NCKAP5: variants seen among roughly 807,000 people sequenced by gnomAD.
NCKAP5 encodes the protein NCK associated protein 5.
In NCKAP5, 92 loss-of-function variants were observed where a neutral mutation model predicts 167.0. The ratio of observed to expected loss-of-function variants is 0.55; its 90% CI spans 0.47 to 0.66. NCKAP5 has a LOEUF of 0.66. NCKAP5 is among the 30% of genes least tolerant of loss of function. NCKAP5 has a pLI of 0.00. For synonymous variants in NCKAP5, 891 were observed against 877.4 expected, an observed-to-expected ratio of 1.02 and a Z score of -0.27; for missense variants, 2,378 against 2,315.0, an observed-to-expected ratio of 1.03 and a Z score of -0.56.
At chr2:132,814,294 G>A (rs1352198644) in intron 11 of NCKAP5, among the ~76,000 whole-genome samples, 3 of 152,154 alleles carry the variant, frequency 2.0e-5, no homozygotes, top group African/African-American at 7.2e-5. Context: ...CCCATGGTAA[G>A]AAATGCCTCA....
At chr2:133,089,751 T>C (rs976179626) in intron 6 of NCKAP5, among the ~76,000 whole-genome samples, 10 of 152,206 alleles carry the variant, frequency 6.6e-5, no homozygotes, top group African/African-American at 2.2e-4. Flanking sequence ...GGAATCTTTA[T>C]TGCATGCTAA....
chr2:132,963,319 G>T (rs1260720888), intron 8 of NCKAP5, among the ~76,000 whole-genome samples: 1 of 151,840 alleles, frequency 6.6e-6, no homozygotes, highest in Non-Finnish European at 1.5e-5. Context: ...TAAAATCTCT[G>T]TGTGTGTGTG....
At chr2:133,648,635 A>G in the NCKAP5 span, among the ~76,000 whole-genome samples, 1 of 152,140 alleles carries the variant, frequency 6.6e-6, no homozygotes, top group Non-Finnish European at 1.5e-5. Context: ...GAAATTAAAC[A>G]ACACACTCTT....
intron 3 of NCKAP5, among the ~76,000 whole-genome samples, chr2:133,455,766 T>C (rs1691816787): frequency 2.0e-5 from 3 of 152,178 alleles, no homozygotes; most frequent in Admixed American, 6.6e-5. Context: ...TATTTTTTTA[T>C]ACAAGAAAAC....
the NCKAP5 span, among the ~76,000 whole-genome samples, chr2:133,591,048 G>C: frequency 6.6e-6 from 1 of 152,078 alleles, no homozygotes; most frequent in Non-Finnish European, 1.5e-5. Flanking sequence ...GTGAGTGTTG[G>C]GTGCATGTAT....
chr2:133,394,310 G>C (rs1687604695), intron 3 of NCKAP5, among the ~76,000 whole-genome samples: 1 of 152,172 alleles, frequency 6.6e-6, no homozygotes, highest in Non-Finnish European at 1.5e-5. Context: ...AATGAGATTG[G>C]GAGTATGGTA....
intron 3 of NCKAP5, among the ~76,000 whole-genome samples, chr2:133,328,076 T>A (rs546290099): frequency 6.6e-6 from 1 of 152,190 alleles, no homozygotes; most frequent in East Asian, 1.9e-4. Context: ...TCTACCAACG[T>A]TGGGCCCCAA....
chr2:133,622,149 C>T, the NCKAP5 span, among the ~76,000 whole-genome samples: 1 of 152,084 alleles, frequency 6.6e-6, no homozygotes, highest in African/African-American at 2.4e-5. Context: ...GTAATAGAAG[C>T]CATCTATGAT....
At chr2:133,082,722 G>A (rs528662160) in intron 6 of NCKAP5, among the ~76,000 whole-genome samples, 1 of 152,130 alleles carries the variant, frequency 6.6e-6, no homozygotes, top group Non-Finnish European at 1.5e-5. Flanking sequence ...CCTGGTGCCA[G>A]GTTTTGGAAG....
chr2:133,522,738 C>T (rs1438907622), intron 2 of NCKAP5, among the ~76,000 whole-genome samples: 1 of 152,158 alleles, frequency 6.6e-6, no homozygotes, highest in African/African-American at 2.4e-5. Flanking sequence ...CAAGCATATT[C>T]GGATACACCC....
intron 2 of NCKAP5, among the ~76,000 whole-genome samples, chr2:133,526,848 T>TATAA (rs1413239320): frequency 2.6e-5 from 4 of 152,178 alleles, no homozygotes; most frequent in African/African-American, 9.7e-5. Context: ...AAATACATTT[T>TATAA]ATAAATAAAT....
At chr2:133,052,328 T>G (rs2079633749) in intron 6 of NCKAP5, among the ~76,000 whole-genome samples, 1 of 152,118 alleles carries the variant, frequency 6.6e-6, no homozygotes, top group Admixed American at 6.5e-5. Context: ...CCAAAGCTGA[T>G]AGTGGGCAAT....
chr2:133,163,268 A>C (rs2083871665), intron 5 of NCKAP5, among the ~76,000 whole-genome samples: 1 of 152,236 alleles, frequency 6.6e-6, no homozygotes, highest in Non-Finnish European at 1.5e-5. Flanking sequence ...TGGTGTTCTC[A>C]GATCACAGCT....
At chr2:133,322,516 T>G (rs528915324) in intron 3 of NCKAP5, among the ~76,000 whole-genome samples, 2 of 152,364 alleles carry the variant, frequency 1.3e-5, no homozygotes, top group South Asian at 4.1e-4. Flanking sequence ...TGTCTCTGTA[T>G]TACTGATGAG....
At chr2:133,624,296 T>C in the NCKAP5 span, among the ~76,000 whole-genome samples, 9 of 152,222 alleles carry the variant, frequency 5.9e-5, no homozygotes, top group African/African-American at 2.2e-4. Flanking sequence ...TAAAAATAAA[T>C]TTTTTAAAAA....
At chr2:133,380,567 G>A (rs1300807738) in intron 3 of NCKAP5, among the ~76,000 whole-genome samples, 1 of 152,124 alleles carries the variant, frequency 6.6e-6, no homozygotes, top group African/African-American at 2.4e-5. Flanking sequence ...TTTTTCCAAG[G>A]TAAGTAGCTT....
intron 4 of NCKAP5, chr2:133,268,433 A>G (rs2089343362): frequency 6.6e-6 from 1 of 151,980 alleles, no homozygotes. Context: ...TTTCCCAGTA[A>G]GCAAATCATG....
intron 2 of NCKAP5, among the ~76,000 whole-genome samples, chr2:133,547,575 C>G (rs1028777618): frequency 4.6e-5 from 7 of 151,664 alleles, no homozygotes; most frequent in African/African-American, 1.5e-4. Flanking sequence ...TGACCCCTGA[C>G]CCCCGAGCAG....
At chr2:133,519,973 G>C (rs1171325204) in intron 2 of NCKAP5, among the ~76,000 whole-genome samples, 1 of 151,960 alleles carries the variant, frequency 6.6e-6, no homozygotes, top group African/African-American at 2.4e-5. Context: ...GGATCACGAA[G>C]TCAAAAGATC....
Sources: gnomAD v4.1 joint callset for allele counts (sites outside exome capture counted in the v4.1 genomes callset) on GRCh38, gnomAD v4.1.1 for gene constraint, MANE v1.5 for transcripts, NCBI Gene and HGNC (gene_info 2026-07-23, HGNC 2026-07-21) for gene names.